STAB2: variants seen among roughly 807,000 people sequenced by gnomAD.
The protein encoded by STAB2 is stabilin-2.
A neutral mutation model predicts 338.1 loss-of-function variants in STAB2; 288 were observed. The observed-to-expected ratio is 0.85, with a 90% CI of 0.77 to 0.94. The LOEUF is 0.94. Among genes scored for constraint, STAB2 ranks in the 40% least tolerant of loss-of-function variants. The probability of loss-of-function intolerance (pLI) is 0.00; values close to 1 mark genes in which losing one functional copy is unlikely to be tolerated. For missense variants in STAB2, 3,141 were observed against 3,210.1 expected, an observed-to-expected ratio of 0.98 and a Z score of 0.52; for synonymous variants, 1,202 against 1,193.3, an observed-to-expected ratio of 1.01 and a Z score of -0.15.
rs190428736 is a variant in STAB2, at chr12:103,736,505, A to G, written c.5550+925A>G. The stretch of plus-strand genomic sequence containing the variant: ...ATTCCAGCTTCTGGTACGTTATCCC[A>G]GTGTGCACTCTTGGGATTGTCCTGT... On this transcript the variant is annotated intron_variant, in intron 52 of 68. Coordinates refer to ENST00000388887, the MANE Select transcript of STAB2 (RefSeq NM_017564.10). Among the ~76,000 whole-genome samples the G allele has an allele frequency of 1.2e-4, 19 of 152,248 alleles. No homozygotes were observed. The East Asian group carries it at 3.7e-3, about 29-fold the overall frequency.
chr12:103,685,062 T>G lies in STAB2; in HGVS notation c.2975T>G (p.Leu992Arg), dbSNP rs745704957. ...GAGGGCTATGAAGGAGATGGCTTTC[T>G]GTGCTATGGAAACGCAGCAGTGGTA... ...CQEGYEGDGF[L>R]CYGNAAVELS... Residue 992 changes from leucine (L) to arginine (R), a missense_variant, in exon 27 of 69, where the codon CTG (leucine) becomes CGG (arginine). Coordinates refer to ENST00000388887, the MANE Select transcript of STAB2 (RefSeq NM_017564.10). 1 of 1,614,058 alleles carries G rather than the reference T, an allele frequency of 6.2e-7. No individual in the cohort carries two copies. Among genetic ancestry groups the G allele is most frequent in the South Asian group, 1.1e-5 (1 of 91,090 alleles).
intron 9 of STAB2, among the ~76,000 whole-genome samples, chr12:103,646,433 T>G (rs970670798): frequency 2.0e-5 from 3 of 152,208 alleles, no homozygotes; most frequent in Admixed American, 6.5e-5. Context: ...AGCCTTGTCC[T>G]TGTCGTTATC....
At chr12:103,617,473 C>G (rs1957228503) in intron 3 of STAB2, among the ~76,000 whole-genome samples, 1 of 152,338 alleles carries the variant, frequency 6.6e-6, no homozygotes, top group East Asian at 1.9e-4. Flanking sequence ...ACCTAGAAGA[C>G]AGTATGGTCC....
At chr12:103,620,863 C>T (rs529574390) in intron 4 of STAB2, among the ~76,000 whole-genome samples, 8 of 152,226 alleles carry the variant, frequency 5.3e-5, no homozygotes, top group Admixed American at 2.0e-4. Flanking sequence ...TTTAGGAGGC[C>T]GAGTGGGGGA....
chr12:103,745,261 G>C lies in STAB2; in HGVS notation c.6120G>C (p.Ser2040=). Reference sequence around the variant, plus strand: ...GTGAAACGGGGTGGACAGGCCCCTCGTGTGACACTCAGGCAGGTCAGTCAT... The same window carrying C: ...GTGAAACGGGGTGGACAGGCCCCTCCTGTGACACTCAGGCAGGTCAGTCAT... ...CLCETGWTGP[S]CDTQAVLPAV... is the part of the protein sequence containing the mutation. The change falls in exon 57 of 69, where the codon TCG becomes TCC. Residue 2040 remains serine, a synonymous_variant. Coordinates refer to ENST00000388887, the MANE Select transcript of STAB2 (RefSeq NM_017564.10). The C allele has an allele frequency of 1.2e-6, 2 of 1,613,520 alleles. No homozygotes were observed. Among genetic ancestry groups the C allele is most frequent in the East Asian group, 2.2e-5 (1 of 44,878 alleles).
At position 103,587,361 on chromosome 12, in the gene STAB2, A is replaced by T. The variant is rs1956725718; in HGVS notation, c.-116A>T. The T allele has an allele frequency of 1.2e-6, 1 of 859,536 alleles. No homozygotes were observed. Among genetic ancestry groups the T allele is most frequent in the African/African-American group, 1.7e-5 (1 of 58,536 alleles). The allele number at this position is 859,536 out of a possible 1,614,324, so 53.2% of individuals were successfully genotyped here. ...GATCTAGGAAAAAGGAAAGGAAGGG[A>T]TTTAAAAGTAAACAGTGAAATGAGA... On this transcript the variant is annotated 5_prime_UTR_variant, in exon 1 of 69. Coordinates refer to ENST00000388887, the MANE Select transcript of STAB2 (RefSeq NM_017564.10).
At chr12:103,676,204 G>A (rs1328345620) in intron 24 of STAB2, among the ~76,000 whole-genome samples, 183 bp downstream of exon 24, 1 of 151,886 alleles carries the variant, frequency 6.6e-6, no homozygotes, top group Non-Finnish European at 1.5e-5. Flanking sequence ...TGGGATTACA[G>A]GCACGTGCCA....
intron 31 of STAB2, among the ~76,000 whole-genome samples, chr12:103,694,825 A>G (rs1185828230): frequency 6.6e-6 from 1 of 152,106 alleles, no homozygotes; most frequent in Non-Finnish European, 1.5e-5. Context: ...CTTGGCCAGA[A>G]GGTTAATTAT....
Position 103,706,958 on chromosome 12 carries a change from A to AG in STAB2, c.4166dup (p.Lys1390GlnfsTer7), listed in dbSNP as rs1282314988. The AG allele has an allele frequency of 6.2e-7, 1 of 1,614,226 alleles. No individual in the cohort carries two copies. ...GGCACAGCCTGCGAGACCTGCACCGAGGGCAAGTACGGCATCCACTGTGAC... is the reference window on the plus strand; with the variant it reads ...GGCACAGCCTGCGAGACCTGCACCGAGGGGCAAGTACGGCATCCACTGTGAC... On this transcript the variant is annotated frameshift_variant, in exon 38 of 69. Coordinates refer to ENST00000388887, the MANE Select transcript of STAB2 (RefSeq NM_017564.10). LOFTEE classifies it high-confidence loss of function.
At chr12:103,608,734 T>C (rs1957073589) in intron 3 of STAB2, among the ~76,000 whole-genome samples, 1 of 152,354 alleles carries the variant, frequency 6.6e-6, no homozygotes, top group Non-Finnish European at 1.5e-5. Flanking sequence ...CCATTGCTTT[T>C]GGTGTTTTAG....
At chr12:103,709,327 G>C (rs1879639839) in intron 39 of STAB2, among the ~76,000 whole-genome samples, 1 of 152,218 alleles carries the variant, frequency 6.6e-6, no homozygotes, top group Non-Finnish European at 1.5e-5. Context: ...GATGAGAAAA[G>C]GCAGGAGCAG....
intron 68 of STAB2, 79 bp downstream of exon 68, chr12:103,763,687 A>G: frequency 1.6e-6 from 2 of 1,272,080 alleles, no homozygotes; most frequent in Non-Finnish European, 2.2e-6. Context: ...TTCAGTGGAG[A>G]TCTTTGTACC....
chr12:103,701,816 T>C (rs1055468940), intron 34 of STAB2, among the ~76,000 whole-genome samples: 6 of 144,950 alleles, frequency 4.1e-5, no homozygotes, highest in African/African-American at 7.4e-5. Flanking sequence ...AAGTAAATCA[T>C]AAGGGACTTT....
At chr12:103,743,383 C>T (rs1183793535) in intron 56 of STAB2, among the ~76,000 whole-genome samples, 1 of 151,950 alleles carries the variant, frequency 6.6e-6, no homozygotes, top group Non-Finnish European at 1.5e-5. Context: ...AATTCCAGCT[C>T]TCAAAAGGCT....
intron 15 of STAB2, among the ~76,000 whole-genome samples, chr12:103,657,173 G>A (rs1033612117): frequency 5.5e-5 from 8 of 145,934 alleles, no homozygotes; most frequent in African/African-American, 2.0e-4. Flanking sequence ...CCTAGCTATT[G>A]CAGAAAACTG....
chr12:103,627,203 C>T (rs1275475831), intron 5 of STAB2, among the ~76,000 whole-genome samples: 1 of 152,182 alleles, frequency 6.6e-6, no homozygotes, highest in African/African-American at 2.4e-5. Flanking sequence ...GGCCCCTAAG[C>T]ACTGCCCCAG....
chr12:103,762,937 G>A (rs1565773), intron 67 of STAB2, among the ~76,000 whole-genome samples: 40,166 of 152,032 alleles, frequency 0.26, 5,642 homozygotes, highest in South Asian at 0.47. Flanking sequence ...GCAGCACAGC[G>A]GTTGAGCATC....
chr12:103,677,594 T>C lies in STAB2; in HGVS notation c.2788T>C (p.Tyr930His). The C allele has an allele frequency of 1.2e-6, 2 of 1,613,144 alleles. No homozygotes were observed. Among genetic ancestry groups the C allele is most frequent in the Non-Finnish European group, 8.5e-7 (1 of 1,179,198 alleles). Residue 930 changes from tyrosine to histidine, a missense_variant, in exon 25 of 69, where the codon TAT (tyrosine) becomes CAT (histidine). Coordinates refer to ENST00000388887, the MANE Select transcript of STAB2 (RefSeq NM_017564.10). Reference sequence around the variant, plus strand: ...CTGCCACGACAACGCATCCTGTTTGTATGTGGGTCCCGGGCAGGTAGGTTG... The same window carrying C: ...CTGCCACGACAACGCATCCTGTTTGCATGTGGGTCCCGGGCAGGTAGGTTG... Reference protein sequence around the residue: ...GGCHDNASCLYVGPGQNECEC... With the variant: ...GGCHDNASCLHVGPGQNECEC...
In STAB2 at chr12:103,684,990, C is replaced by A. The variant is rs1877264315; in HGVS notation, c.2903C>A (p.Ala968Glu). 1 of 1,613,718 alleles carries A rather than the reference C, an allele frequency of 6.2e-7. No individual in the cohort carries two copies. Among genetic ancestry groups the A allele is most frequent in the Non-Finnish European group, 8.5e-7 (1 of 1,179,762 alleles). Residue 968 changes from alanine (A) to glutamate (E), a missense_variant and splice_region_variant, in exon 27 of 69, where the codon GCA becomes GAA. Ala to Glu is a moderately radical substitution (Grantham distance 107). Coordinates refer to ENST00000388887, the MANE Select transcript of STAB2 (RefSeq NM_017564.10). Reference sequence around the variant, plus strand: ...TTTCTTTCATCTTGGTTTTCTCAGGCAAGCTGTCAATCTACTTCGTCTGGT... The same window carrying A: ...TTTCTTTCATCTTGGTTTTCTCAGGAAAGCTGTCAATCTACTTCGTCTGGT... ...LEQTGKCHPL[A>E]SCQSTSSGVW...
Sources: allele counts gnomAD v4.1 joint callset (sites outside exome capture counted in the v4.1 genomes callset), GRCh38; gene constraint gnomAD v4.1.1; transcripts MANE v1.5; gene names NCBI Gene and HGNC (gene_info 2026-07-23, HGNC 2026-07-21).